Variants in GPR26 observed in about 807,000 individuals in gnomAD.
GPR26 encodes G protein-coupled receptor 26.
GPR26 carries 15 observed loss-of-function variants against 23.1 expected under a neutral mutation model. That is an observed-to-expected ratio of 0.65 (90% CI 0.43 to 1.00). The LOEUF (loss-of-function observed/expected upper bound fraction) is 1.00, where lower values mean the gene tolerates loss of function less well. GPR26 is among the 50% of genes least tolerant of loss of function. The pLI is 0.00. For synonymous variants in GPR26, 228 were observed against 222.1 expected (o/e 1.03, Z -0.24); for missense variants, 359 against 470.5 (o/e 0.76, Z 2.19).
At chr10:123,679,079 G>A (rs568659239) in intron 2 of GPR26, among the ~76,000 whole-genome samples, 7 of 152,332 alleles carry the variant, frequency 4.6e-5, no homozygotes, top group African/African-American at 1.4e-4. Context: ...TTTTCAAGAT[G>A]ATTTCCAAGT....
At position 123,666,939 on chromosome 10, in the gene GPR26, G is replaced by A. The variant is rs758623741; in HGVS notation, c.532G>A (p.Ala178Thr). Residue 178 changes from alanine to threonine, a missense_variant, in exon 1 of 3, where the codon GCT (alanine) becomes ACT (threonine). Ala to Thr is a moderately conservative substitution (Grantham distance 58). Coordinates refer to ENST00000284674, the MANE Select transcript of GPR26 (RefSeq NM_153442.4). ...CGCCGTCTTCACTGGCGCCTTCCAC[G>A]CTCTCAGCTTCCTGCTCTCCTTCGT... is the stretch of plus-strand genomic sequence containing the variant. ...RFAVFTGAFH[A>T]LSFLLSFVVL... 8 of 1,613,584 alleles carry A rather than the reference G, an allele frequency of 5.0e-6. No homozygotes were observed. The Admixed American group carries it at 1.3e-4, about 27-fold the overall frequency.
At position 123,694,632 on chromosome 10, in the gene GPR26, G is replaced by C. The variant is rs1461675136; in HGVS notation, c.*6472G>C. The C allele has an allele frequency of 6.6e-6, 1 of 151,204 alleles. No homozygotes were observed. Among genetic ancestry groups the C allele is most frequent in the Non-Finnish European group, 1.5e-5 (1 of 67,778 alleles). 9.4% of individuals were successfully genotyped at this position (151,204 alleles called of 1,614,324 possible). Reference sequence around the variant, plus strand: ...GAGAAGGAAGGAAAAACAAAGGAAGGAGAAAAAGGGAAGGAAAGAAGAAAG... The same window carrying C: ...GAGAAGGAAGGAAAAACAAAGGAAGCAGAAAAAGGGAAGGAAAGAAGAAAG... On this transcript the variant is annotated 3_prime_UTR_variant, in exon 3 of 3. Coordinates refer to ENST00000284674, the MANE Select transcript of GPR26 (RefSeq NM_153442.4).
rs1845359105 is a variant in GPR26, at chr10:123,680,577, T to G, written c.782+5646T>G. Among the ~76,000 whole-genome samples, 4 of 152,190 alleles carry G rather than the reference T, an allele frequency of 2.6e-5. No individual in the cohort carries two copies. The South Asian group carries it at 8.3e-4, about 32-fold the overall frequency. ...TCCCTTGCATGCAGCACCTCCTCAT[T>G]GTTCTCAGCCTCCTCACTGTCCATA... On this transcript the variant is annotated intron_variant, in intron 2 of 2. Coordinates refer to ENST00000284674, the MANE Select transcript of GPR26 (RefSeq NM_153442.4).
intron 1 of GPR26, among the ~76,000 whole-genome samples, chr10:123,673,404 T>A (rs1206484502): frequency 6.6e-6 from 1 of 152,196 alleles, no homozygotes; most frequent in African/African-American, 2.4e-5. Context: ...ACAGACTGCC[T>A]ATTTTTGGAG....
intron 1 of GPR26, among the ~76,000 whole-genome samples, chr10:123,669,555 G>A (rs1845227596): frequency 6.6e-6 from 1 of 152,206 alleles, no homozygotes; most frequent in African/African-American, 2.4e-5. Flanking sequence ...TTCTCCCTCT[G>A]GACAGCCAGG....
At chr10:123,667,169 C>T (rs1344835371) in intron 1 of GPR26, 94 bp downstream of exon 1, 1 of 957,082 alleles carries the variant, frequency 1.0e-6, no homozygotes, top group African/African-American at 1.7e-5. Flanking sequence ...TTCCACCGAG[C>T]CTCTGTTTCT....
intron 1 of GPR26, among the ~76,000 whole-genome samples, chr10:123,673,078 A>G (rs1450592061): frequency 6.6e-6 from 1 of 152,228 alleles, no homozygotes; most frequent in Non-Finnish European, 1.5e-5. Context: ...TCTAGAAATT[A>G]ATTAGTAATA....
At chr10:123,670,330 A>C (rs952327790) in intron 1 of GPR26, among the ~76,000 whole-genome samples, 2 of 152,204 alleles carry the variant, frequency 1.3e-5, no homozygotes, top group Non-Finnish European at 2.9e-5. Context: ...CTAAGAGAAG[A>C]GAAGCACTCA....
intron 2 of GPR26, 111 bp downstream of exon 2, chr10:123,675,042 G>A (rs142645076): frequency 9.7e-4 from 656 of 673,574 alleles, no homozygotes; most frequent in Middle Eastern, 5.2e-3. Flanking sequence ...ACGGTGTGTT[G>A]TGGGGGGCAA....
Position 123,691,132 on chromosome 10 carries a change from C to A in GPR26, c.*2972C>A, listed in dbSNP as rs1845486753. 6.6e-6 allele frequency: 1 copy of A among 152,126 alleles called. No individual in the cohort carries two copies. The highest frequency in any genetic ancestry group is 2.1e-4 in the South Asian group (1 of 4,832). The allele number at this position is 152,126 out of a possible 1,614,324, so 9.4% of individuals were successfully genotyped here. On this transcript the variant is annotated 3_prime_UTR_variant, in exon 3 of 3. Transcript: ENST00000284674. ...AACTATTCCGGCTTTTTATATGGCA[C>A]CTTTCTGAGGGAGGGGATTTTACAG...
rs1845483133 is a variant in GPR26, at chr10:123,690,709, A to G, written c.*2549A>G. ...AATTAATGTATTAGCAACCAGTGTT[A>G]GCCAACTCTGCTGTAATTACCTTTA... On this transcript the variant is annotated 3_prime_UTR_variant, in exon 3 of 3. Transcript: ENST00000284674. 1 of 152,250 alleles carries G rather than the reference A, an allele frequency of 6.6e-6. No individual in the cohort carries two copies. The highest frequency in any genetic ancestry group is 1.5e-5 in the Non-Finnish European group (1 of 68,042). 9.4% of individuals were successfully genotyped at this position (152,250 alleles called of 1,614,324 possible).
chr10:123,689,863 C>A lies in GPR26; in HGVS notation c.*1703C>A, dbSNP rs1426476990. 6.6e-6 allele frequency: 1 copy of A among 152,154 alleles called. No individual in the cohort carries two copies. The highest frequency in any genetic ancestry group is 1.9e-4 in the East Asian group (1 of 5,192). 9.4% of individuals were successfully genotyped at this position (152,154 alleles called of 1,614,324 possible). On this transcript the variant is annotated 3_prime_UTR_variant, in exon 3 of 3. Coordinates refer to ENST00000284674, the MANE Select transcript of GPR26 (RefSeq NM_153442.4). ...GAGACAGGTGTAGCTTCCAAGGAGGCCTTGGCATCTTGCAGTTGCTGTCAG... is the reference window on the plus strand; with the variant it reads ...GAGACAGGTGTAGCTTCCAAGGAGGACTTGGCATCTTGCAGTTGCTGTCAG...
chr10:123,683,585 C>T (rs962147228), intron 2 of GPR26, among the ~76,000 whole-genome samples: 3 of 152,198 alleles, frequency 2.0e-5, no homozygotes, highest in Admixed American at 2.0e-4. Flanking sequence ...GGGACCAGGA[C>T]TGCCTAGGCT....
rs144023243 is a variant in GPR26 at position 123,688,158 on chromosome 10, T to G, written c.1012T>G (p.Ter338GlyextTer11). 1.9e-4 allele frequency: 298 copies of G among 1,598,974 alleles called. 2 individuals carry two copies. In the African/African-American group the frequency reaches 3.8e-3, roughly 20 times the overall value. ...HSQNILPVSE[*>G] ...CCAGAACATTCTGCCGGTGTCTGAG[T>G]GAAGGACCGCGCTCCTGCTGAAGAG... The change falls in exon 3 of 3, where the codon TGA (stop) becomes GGA (glycine). Residue 338 changes from the stop codon to glycine (G), a stop_lost. Transcript: ENST00000284674.
At chr10:123,673,921 CTCTTCTTCT>C (rs10699563) in intron 1 of GPR26, among the ~76,000 whole-genome samples, 11 of 150,046 alleles carry the variant, frequency 7.3e-5, no homozygotes, top group African/African-American at 1.7e-4. Context: ...CTTCCTCTTC[CTCTTCTTCT>C]TCTTCTTCTT....
chr10:123,692,284 G>A lies in GPR26; in HGVS notation c.*4124G>A, dbSNP rs1203210264. On this transcript the variant is annotated 3_prime_UTR_variant, in exon 3 of 3. Transcript: ENST00000284674. Reference sequence around the variant, plus strand: ...GGATCAAACTCTACTGGGGCAGCCTGGCTGTGGGAGGTGATGACATCTGCC... The same window carrying A: ...GGATCAAACTCTACTGGGGCAGCCTAGCTGTGGGAGGTGATGACATCTGCC... The A allele has an allele frequency of 6.6e-6, 1 of 152,306 alleles. No homozygotes were observed. Among genetic ancestry groups the A allele is most frequent in the Admixed American group, 6.5e-5 (1 of 15,282 alleles). 9.4% of individuals were successfully genotyped at this position (152,306 alleles called of 1,614,324 possible).
chr10:123,686,322 T>TC (rs975685232), intron 2 of GPR26, among the ~76,000 whole-genome samples: 1 of 152,270 alleles, frequency 6.6e-6, no homozygotes, highest in East Asian at 1.9e-4. Context: ...GGTTTTTTTG[T>TC]CCCTTTGAAT....
chr10:123,683,285 C>T (rs866968247), intron 2 of GPR26, among the ~76,000 whole-genome samples: 4 of 152,190 alleles, frequency 2.6e-5, no homozygotes, highest in Admixed American at 6.5e-5. Flanking sequence ...CTGAATGTTC[C>T]GGCTGTGTAG....
In GPR26 at chr10:123,695,355, T is replaced by A. The variant is rs543192435; in HGVS notation, c.*7195T>A. On this transcript the variant is annotated 3_prime_UTR_variant, in exon 3 of 3. Coordinates refer to ENST00000284674, the MANE Select transcript of GPR26 (RefSeq NM_153442.4). ...CTCATGCATGCTCAGCATGTCACTG[T>A]TGTACTCATTCCCTGGCACGGAAGA... is the stretch of plus-strand genomic sequence containing the variant. Among the ~76,000 whole-genome samples, 7 of 152,320 alleles carry A rather than the reference T, an allele frequency of 4.6e-5. No homozygotes were observed. Among genetic ancestry groups the A allele is most frequent in the East Asian group, 3.9e-4 (2 of 5,176 alleles).
Sources: allele counts gnomAD v4.1 joint callset (sites outside exome capture counted in the v4.1 genomes callset), GRCh38; gene constraint gnomAD v4.1.1; transcripts MANE v1.5; gene names NCBI Gene and HGNC (gene_info 2026-07-23, HGNC 2026-07-21).